Variants in FGGY observed in about 807,000 individuals in gnomAD.
FGGY encodes FGGY carbohydrate kinase domain containing, also known as FGGY carbohydrate kinase domain-containing protein.
In FGGY, 72 loss-of-function variants were observed where a neutral mutation model predicts 71.3. The ratio of observed to expected loss-of-function variants is 1.01; its 90% CI spans 0.84 to 1.23. The LOEUF is 1.23. Among genes scored for constraint, FGGY ranks in the 50% most tolerant of loss-of-function variants. The pLI is 0.00. For synonymous variants in FGGY, 251 were observed against 250.3 expected, an observed-to-expected ratio of 1.00 and a Z score of -0.02; for missense variants, 668 against 682.3, an observed-to-expected ratio of 0.98 and a Z score of 0.23.
intron 11 of FGGY, among the ~76,000 whole-genome samples, chr1:59,643,127 A>G (rs2097055119): frequency 1.3e-5 from 2 of 152,044 alleles, no homozygotes; most frequent in African/African-American, 4.8e-5. Flanking sequence ...ATTATTTACT[A>G]CTGAAACCAA....
rs1317002470 is a variant in FGGY at position 59,340,051 on chromosome 1, T to C, written c.295T>C (p.Leu99=). ...TGTTTTGGATAAGCAGTTTCACCCA[T>C]TACCAGTCAACCAGGAAGGTAAGAC... ...LVVLDKQFHP[L]PVNQEGDSHR... The change falls in exon 3 of 16, where the codon TTA becomes CTA. Residue 99 remains leucine (L), a synonymous_variant. Transcript: ENST00000303721. The C allele has an allele frequency of 6.2e-6, 10 of 1,612,140 alleles. No homozygotes were observed. The highest frequency in any genetic ancestry group is 3.3e-5 in the South Asian group (3 of 90,680).
In FGGY at chr1:59,747,249, C is replaced by T. The variant is rs72921612; in HGVS notation, c.1513-10682C>T. On this transcript the variant is annotated intron_variant, in intron 14 of 15. Coordinates refer to ENST00000303721, the MANE Select transcript of FGGY (RefSeq NM_018291.5). ...AAATCCATAAGAAGTAAGTCAAACTCATGTAGATGGGATGAATACTTGCTC... is the reference window on the plus strand; with the variant it reads ...AAATCCATAAGAAGTAAGTCAAACTTATGTAGATGGGATGAATACTTGCTC... Among the ~76,000 whole-genome samples, 740 of 152,250 alleles carry T rather than the reference C, an allele frequency of 4.9e-3. 5 individuals carry two copies. The highest frequency in any genetic ancestry group is 0.017 in the African/African-American group (709 of 41,542).
chr1:59,469,449 C>G (rs947772107), intron 6 of FGGY, among the ~76,000 whole-genome samples: 3 of 152,140 alleles, frequency 2.0e-5, no homozygotes, highest in Non-Finnish European at 4.4e-5. Context: ...AGAAGTGCCT[C>G]CTAAGACAAT....
At chr1:59,452,541 T>A (rs890683726) in intron 5 of FGGY, among the ~76,000 whole-genome samples, 1 of 152,258 alleles carries the variant, frequency 6.6e-6, no homozygotes, top group Admixed American at 6.5e-5. Flanking sequence ...TTGCCTCTTG[T>A]AGATGTTCTA....
chr1:59,484,883 A>G (rs1443439156), intron 6 of FGGY, among the ~76,000 whole-genome samples: 3 of 152,168 alleles, frequency 2.0e-5, no homozygotes, highest in Admixed American at 2.0e-4. Flanking sequence ...CTATTCTTCA[A>G]AAGAAAGAGT....
At chr1:59,662,615 A>G (rs1183490435) in intron 12 of FGGY, among the ~76,000 whole-genome samples, 2 of 152,182 alleles carry the variant, frequency 1.3e-5, no homozygotes, top group Non-Finnish European at 2.9e-5. Context: ...TAAGATTATG[A>G]TACTGTATGT....
chr1:59,609,812 C>T (rs2096656944), intron 9 of FGGY, among the ~76,000 whole-genome samples: 1 of 152,192 alleles, frequency 6.6e-6, no homozygotes, highest in Non-Finnish European at 1.5e-5. Flanking sequence ...TAGATGGATT[C>T]AAAGGGCATG....
chr1:59,752,778 G>A (rs2098256838), intron 14 of FGGY, among the ~76,000 whole-genome samples: 2 of 152,170 alleles, frequency 1.3e-5, no homozygotes, highest in Non-Finnish European at 2.9e-5. Context: ...AGCAGTGTGT[G>A]CTGATTAGTA....
intron 14 of FGGY, among the ~76,000 whole-genome samples, chr1:59,742,002 G>T (rs1427505584): frequency 6.6e-6 from 1 of 151,174 alleles, no homozygotes; most frequent in Non-Finnish European, 1.5e-5. Context: ...TGCTCAGGAG[G>T]CTGAGGCCAG....
intron 6 of FGGY, among the ~76,000 whole-genome samples, chr1:59,483,084 T>C (rs1009503815): frequency 6.6e-6 from 1 of 152,148 alleles, no homozygotes; most frequent in African/African-American, 2.4e-5. Context: ...TGAGATCCAT[T>C]GGAGTAGATG....
chr1:59,480,154 C>T (rs2093417834), intron 6 of FGGY, among the ~76,000 whole-genome samples: 2 of 152,142 alleles, frequency 1.3e-5, no homozygotes, highest in Non-Finnish European at 2.9e-5. Context: ...CCAGCATGAA[C>T]TTTTTATAAT....
chr1:59,707,169 G>A (rs2097762837), intron 14 of FGGY, among the ~76,000 whole-genome samples: 1 of 152,178 alleles, frequency 6.6e-6, no homozygotes, highest in African/African-American at 2.4e-5. Context: ...GCAGCAGTGT[G>A]TCTCATTTTA....
At chr1:59,702,194 G>C (rs753068963) in intron 14 of FGGY, among the ~76,000 whole-genome samples, 1 of 152,166 alleles carries the variant, frequency 6.6e-6, no homozygotes, top group Non-Finnish European at 1.5e-5. Flanking sequence ...CCTCTCACCA[G>C]GTTCCTCCCT....
intron 8 of FGGY, among the ~76,000 whole-genome samples, chr1:59,565,474 C>T (rs1375762013): frequency 3.9e-5 from 6 of 152,244 alleles, no homozygotes; most frequent in Middle Eastern, 3.4e-3. Context: ...TTAGTAGAGA[C>T]GGGGTTTCAC....
At chr1:59,719,596 TTTCA>T (rs2097870333) in intron 14 of FGGY, among the ~76,000 whole-genome samples, 2 of 152,224 alleles carry the variant, frequency 1.3e-5, no homozygotes, top group African/African-American at 4.8e-5. Context: ...TCTGGAGACA[TTTCA>T]TTCAGACAGT....
At chr1:59,570,304 A>G (rs989285640) in intron 8 of FGGY, among the ~76,000 whole-genome samples, 11 of 152,200 alleles carry the variant, frequency 7.2e-5, no homozygotes, top group Non-Finnish European at 4.4e-5. Flanking sequence ...CTAGCAGAGC[A>G]CCTTGTACAT....
chr1:59,568,936 C>T (rs899059273), intron 8 of FGGY, among the ~76,000 whole-genome samples: 1 of 151,714 alleles, frequency 6.6e-6, no homozygotes, highest in African/African-American at 2.4e-5. Context: ...ATAGTAAACA[C>T]CAAATCACAA....
intron 8 of FGGY, among the ~76,000 whole-genome samples, chr1:59,593,321 G>A (rs1033556687): frequency 6.6e-6 from 1 of 152,170 alleles, no homozygotes; most frequent in African/African-American, 2.4e-5. Context: ...TCTTCCCATC[G>A]CCTTCAAGAA....
intron 14 of FGGY, among the ~76,000 whole-genome samples, chr1:59,693,699 T>C (rs1357050698): frequency 1.3e-5 from 2 of 152,120 alleles, no homozygotes; most frequent in East Asian, 3.9e-4. Flanking sequence ...GTTGAAGTCA[T>C]ATACGTGCAC....
Sources: allele counts gnomAD v4.1 joint callset (sites outside exome capture counted in the v4.1 genomes callset), GRCh38; gene constraint gnomAD v4.1.1; transcripts MANE v1.5; gene names NCBI Gene and HGNC (gene_info 2026-07-23, HGNC 2026-07-21).